SLC41A3: variants seen among roughly 807,000 people sequenced by gnomAD.
SLC41A3 encodes SLC41A1-like 2.
A neutral mutation model predicts 45.4 loss-of-function variants in SLC41A3; 44 were observed. That is an observed-to-expected ratio of 0.97 (90% CI 0.76 to 1.25). The LOEUF is 1.25. Among genes scored for constraint, SLC41A3 ranks in the 50% most tolerant of loss-of-function variants. The pLI, the probability that SLC41A3 is intolerant of heterozygous loss-of-function variation, is 0.00. For synonymous variants in SLC41A3, 256 were observed against 252.4 expected, an observed-to-expected ratio of 1.01 and a Z score of -0.13; for missense variants, 550 against 600.6, an observed-to-expected ratio of 0.92 and a Z score of 0.88.
Position 126,022,919 on chromosome 3 carries a change from G to C in SLC41A3, c.612C>G (p.Val204=). The change falls in exon 6 of 11, where the codon GTC becomes GTG. Residue 204 remains valine (V), a synonymous_variant. Transcript: ENST00000360370. ...GCTTTCGAGCACCAATCACTATACA[G>C]ACCATCAGCACCCCTGCAGAGAGAG... ...LAAFALGVLM[V]CIVIGARKLG... 3 of 1,614,188 alleles carry C rather than the reference G, an allele frequency of 1.9e-6. No homozygotes were observed. The highest frequency in any genetic ancestry group is 2.2e-5 in the South Asian group (2 of 91,076).
intron 3 of SLC41A3, among the ~76,000 whole-genome samples, chr3:126,050,588 G>A (rs115060168): frequency 0.027 from 4,132 of 152,256 alleles, 133 homozygotes; most frequent in African/African-American, 0.079. Flanking sequence ...GGTCTGCATT[G>A]CTTGTCGTGG....
intron 2 of SLC41A3, among the ~76,000 whole-genome samples, chr3:126,062,383 A>C (rs1314758216): frequency 6.6e-6 from 1 of 152,190 alleles, no homozygotes; most frequent in South Asian, 2.1e-4. Flanking sequence ...TCACCTCTAA[A>C]GGGACACTAG....
chr3:126,047,943 T>A (rs4521174), intron 3 of SLC41A3, among the ~76,000 whole-genome samples: 99,152 of 152,030 alleles, frequency 0.65, 33,435 homozygotes, highest in East Asian at 0.82. Flanking sequence ...CAAAAAGGTA[T>A]CCTACAGAAC....
At chr3:126,050,427 G>T (rs542966023) in intron 3 of SLC41A3, among the ~76,000 whole-genome samples, 1 of 152,184 alleles carries the variant, frequency 6.6e-6, no homozygotes, top group East Asian at 1.9e-4. Context: ...AGAAGAGCTG[G>T]TAAAGCTAGG....
intron 7 of SLC41A3, 117 bp from the exon 8 acceptor site, chr3:126,015,690 T>G: frequency 1.0e-6 from 1 of 958,488 alleles, no homozygotes; most frequent in Non-Finnish European, 1.6e-6. Flanking sequence ...GTCACTCTCC[T>G]CTCCCCTACA....
intron 2 of SLC41A3, among the ~76,000 whole-genome samples, chr3:126,066,011 G>C (rs1944330013): frequency 6.6e-6 from 1 of 152,160 alleles, no homozygotes; most frequent in African/African-American, 2.4e-5. Context: ...TCCTGGTACT[G>C]ATGCTTTTAG....
intron 3 of SLC41A3, among the ~76,000 whole-genome samples, chr3:126,042,701 G>C (rs534679091): frequency 1.3e-5 from 2 of 151,912 alleles, no homozygotes; most frequent in African/African-American, 4.8e-5. Context: ...CAAAGAAACA[G>C]AAATCATAAA....
intron 3 of SLC41A3, among the ~76,000 whole-genome samples, chr3:126,040,790 A>G (rs1015823009): frequency 2.6e-5 from 4 of 152,164 alleles, no homozygotes; most frequent in Admixed American, 2.6e-4. Context: ...AGCCTCCTCT[A>G]AGGGCAGTAT....
At chr3:126,020,832 G>A (rs922434005) in intron 6 of SLC41A3, among the ~76,000 whole-genome samples, 8 of 151,938 alleles carry the variant, frequency 5.3e-5, no homozygotes, top group Admixed American at 3.3e-4. Flanking sequence ...TTGATCCCAG[G>A]TCTTTAGATA....
chr3:126,045,326 A>G (rs1942890721), intron 3 of SLC41A3, among the ~76,000 whole-genome samples: 1 of 148,722 alleles, frequency 6.7e-6, no homozygotes, highest in South Asian at 2.2e-4. Flanking sequence ...ACAGAGAAAA[A>G]TCAATGAAAC....
chr3:126,017,997 T>C (rs911839786), intron 6 of SLC41A3, among the ~76,000 whole-genome samples: 2 of 152,166 alleles, frequency 1.3e-5, no homozygotes, highest in African/African-American at 2.4e-5. Context: ...AGTTTTCAGT[T>C]AGCTACTCAC....
intron 3 of SLC41A3, among the ~76,000 whole-genome samples, chr3:126,034,666 G>A (rs982542610): frequency 4.6e-5 from 7 of 152,206 alleles, no homozygotes; most frequent in Non-Finnish European, 8.8e-5. Flanking sequence ...TGCTGAGCAC[G>A]AGTGGCCAAT....
At chr3:126,059,309 AG>A (rs869040489) in intron 2 of SLC41A3, among the ~76,000 whole-genome samples, 15 of 106,458 alleles carry the variant, frequency 1.4e-4, no homozygotes, top group African/African-American at 4.6e-4. Flanking sequence ...AAAGAAAGAA[AG>A]GAAGGATGAT....
At chr3:126,094,761 G>C (rs1468624408) in intron 1 of SLC41A3, among the ~76,000 whole-genome samples, 1 of 152,160 alleles carries the variant, frequency 6.6e-6, no homozygotes, top group African/African-American at 2.4e-5. Flanking sequence ...TCTTATTCTG[G>C]CTCGAAAAGT....
At chr3:126,016,979 C>G (rs1460259283) in intron 6 of SLC41A3, 104 bp from the exon 7 acceptor site, 25 of 1,421,956 alleles carry the variant, frequency 1.8e-5, no homozygotes, top group Non-Finnish European at 2.3e-5. Flanking sequence ...CGCTCCTGTC[C>G]TCATCAGTTG....
chr3:126,030,859 T>C (rs1941746828), intron 4 of SLC41A3, among the ~76,000 whole-genome samples: 1 of 152,248 alleles, frequency 6.6e-6, no homozygotes, highest in Admixed American at 6.5e-5. Flanking sequence ...GGTTCTCTTA[T>C]ACATTGAAGG....
chr3:126,048,368 C>T (rs1943101163), intron 3 of SLC41A3, among the ~76,000 whole-genome samples: 1 of 152,078 alleles, frequency 6.6e-6, no homozygotes, highest in South Asian at 2.1e-4. Flanking sequence ...TTAAATTATA[C>T]CTTATAAACG....
upstream of SLC41A3, among the ~76,000 whole-genome samples, chr3:126,088,128 C>T (rs184395548): frequency 1.6e-4 from 24 of 152,126 alleles, no homozygotes; most frequent in African/African-American, 5.5e-4. Context: ...ACAAAATTAT[C>T]TGAAGGGAGA....
At chr3:126,064,486 A>G (rs1944249037) in intron 2 of SLC41A3, among the ~76,000 whole-genome samples, 1 of 152,014 alleles carries the variant, frequency 6.6e-6, no homozygotes, top group African/African-American at 2.4e-5. Context: ...TGGTATGAGG[A>G]CTAACAAATT....
Sources: allele counts gnomAD v4.1 joint callset (sites outside exome capture counted in the v4.1 genomes callset), GRCh38; gene constraint gnomAD v4.1.1; transcripts MANE v1.5; gene names NCBI Gene and HGNC (gene_info 2026-07-23, HGNC 2026-07-21).